The following STPG4 variants were observed in gnomAD, a reference collection of about 807,000 sequenced individuals.
STPG4 encodes the protein protein STPG4.
In STPG4, 41 loss-of-function variants were observed where a neutral mutation model predicts 31.5. The observed-to-expected ratio is 1.30, with a 90% CI of 1.01 to 1.69. The LOEUF is 1.69. STPG4 is among the 40% of genes most tolerant of loss of function. The pLI, the probability that STPG4 is intolerant of heterozygous loss-of-function variation, is 0.00. For synonymous variants in STPG4, 141 were observed against 103.0 expected, an observed-to-expected ratio of 1.37 and a Z score of -2.24; for missense variants, 375 against 293.4, an observed-to-expected ratio of 1.28 and a Z score of -2.03.
intron 3 of STPG4, among the ~76,000 whole-genome samples, chr2:47,146,406 A>G (rs1016039061): frequency 6.6e-6 from 1 of 152,050 alleles, no homozygotes; most frequent in African/African-American, 2.4e-5. Flanking sequence ...GCTTGACAAA[A>G]CCAGGATTAG....
At chr2:47,111,256 C>T (rs1419996061) in intron 5 of STPG4, among the ~76,000 whole-genome samples, 1 of 152,132 alleles carries the variant, frequency 6.6e-6, no homozygotes, top group African/African-American at 2.4e-5. Context: ...AGAAAATCTT[C>T]TCACTCTTCT....
At chr2:47,124,691 T>C (rs191859235) in intron 5 of STPG4, among the ~76,000 whole-genome samples, 104 of 152,334 alleles carry the variant, frequency 6.8e-4, no homozygotes, top group Non-Finnish European at 9.8e-4. Context: ...TACACTAAGG[T>C]TGCTTCCAAA....
chr2:47,120,140 G>A (rs1221768011), intron 5 of STPG4, among the ~76,000 whole-genome samples: 2 of 152,144 alleles, frequency 1.3e-5, no homozygotes, highest in African/African-American at 4.8e-5. Context: ...AGATCAGCTT[G>A]GGCAATATGT....
intron 5 of STPG4, among the ~76,000 whole-genome samples, chr2:47,105,728 G>T (rs1389907462): frequency 2.0e-5 from 3 of 152,170 alleles, no homozygotes; most frequent in African/African-American, 7.2e-5. Context: ...CCAGGGACCA[G>T]TGCCCAGTTA....
chr2:47,150,894 G>C (rs1344049869), intron 3 of STPG4, among the ~76,000 whole-genome samples: 1 of 152,082 alleles, frequency 6.6e-6, no homozygotes, highest in Non-Finnish European at 1.5e-5. Flanking sequence ...CTCCCCGAGA[G>C]GCAGGGTTTT....
At chr2:47,152,587 C>T (rs1343478096) in intron 2 of STPG4, among the ~76,000 whole-genome samples, 4 of 152,160 alleles carry the variant, frequency 2.6e-5, no homozygotes, top group Non-Finnish European at 5.9e-5. Context: ...TATTAAGAAC[C>T]ATTTGCAGAA....
At chr2:47,106,009 C>T (rs1050725948) in intron 5 of STPG4, among the ~76,000 whole-genome samples, 15 of 151,024 alleles carry the variant, frequency 9.9e-5, no homozygotes, top group East Asian at 5.8e-4. Context: ...GCAGCATAAG[C>T]GGCTGGCAGA....
intron 2 of STPG4, among the ~76,000 whole-genome samples, chr2:47,152,077 T>A (rs909375682): frequency 1.9e-4 from 29 of 152,322 alleles, no homozygotes; most frequent in Non-Finnish European, 2.8e-4. Flanking sequence ...TTTAAGTTTT[T>A]AAAAGGCAAC....
At chr2:47,132,722 G>C (rs766304429) in intron 3 of STPG4, among the ~76,000 whole-genome samples, 21 of 152,110 alleles carry the variant, frequency 1.4e-4, no homozygotes, top group Non-Finnish European at 2.8e-4. Context: ...TTACGTGGAT[G>C]TTTGCTTTCT....
intron 3 of STPG4, among the ~76,000 whole-genome samples, chr2:47,147,905 T>C (rs547847650): frequency 6.6e-6 from 1 of 151,886 alleles, no homozygotes; most frequent in East Asian, 1.9e-4. Context: ...CAAATATAGA[T>C]AAGTATATGC....
chr2:47,120,349 C>A (rs1436516458), intron 5 of STPG4, among the ~76,000 whole-genome samples: 2 of 151,916 alleles, frequency 1.3e-5, no homozygotes, highest in East Asian at 1.9e-4. Flanking sequence ...AAACAAAAAA[C>A]AAACAAACTG....
At chr2:47,115,600 C>T (rs1200943199) in intron 5 of STPG4, among the ~76,000 whole-genome samples, 1 of 150,764 alleles carries the variant, frequency 6.6e-6, no homozygotes, top group Non-Finnish European at 1.5e-5. Flanking sequence ...TGTTTTCAAC[C>T]AGGTTTCCAT....
At chr2:47,108,576 G>A (rs533821031) in intron 5 of STPG4, 8 of 171,214 alleles carry the variant, frequency 4.7e-5, no homozygotes, top group Non-Finnish European at 7.2e-5. Flanking sequence ...CACCAATTCC[G>A]GACACATTTT....
intron 5 of STPG4, among the ~76,000 whole-genome samples, chr2:47,104,002 T>C (rs924366986): frequency 6.6e-6 from 1 of 151,990 alleles, no homozygotes; most frequent in East Asian, 1.9e-4. Flanking sequence ...TTGGGAGACT[T>C]TGCTCTTTTC....
intron 5 of STPG4, among the ~76,000 whole-genome samples, chr2:47,127,133 C>A (rs1686380690): frequency 6.6e-6 from 1 of 151,862 alleles, no homozygotes; most frequent in Non-Finnish European, 1.5e-5. Flanking sequence ...CTCTTTAAGG[C>A]CAATAACTCT....
At chr2:47,087,400 C>T (rs182464208) in intron 6 of STPG4, among the ~76,000 whole-genome samples, 389 of 152,322 alleles carry the variant, frequency 2.6e-3, no homozygotes, top group Non-Finnish European at 4.4e-3. Flanking sequence ...CTGGGAGAGG[C>T]GGGGTCACAT....
chr2:47,118,128 C>G (rs1181235177), intron 5 of STPG4, among the ~76,000 whole-genome samples: 6 of 151,970 alleles, frequency 3.9e-5, no homozygotes, highest in African/African-American at 1.5e-4. Context: ...GTCCCCAACC[C>G]CCAGGCTTCA....
At chr2:47,119,584 A>T (rs1482388174) in intron 5 of STPG4, among the ~76,000 whole-genome samples, 1 of 152,248 alleles carries the variant, frequency 6.6e-6, no homozygotes, top group African/African-American at 2.4e-5. Flanking sequence ...CATGCAGTGG[A>T]GAAAAAACTT....
chr2:47,144,195 T>C (rs575211104), intron 3 of STPG4, among the ~76,000 whole-genome samples: 1 of 152,334 alleles, frequency 6.6e-6, no homozygotes, highest in Non-Finnish European at 1.5e-5. Flanking sequence ...TTTCAAATGG[T>C]AATGGACTTC....
Sources: allele counts gnomAD v4.1 joint callset (sites outside exome capture counted in the v4.1 genomes callset), GRCh38; gene constraint gnomAD v4.1.1; transcripts MANE v1.5; gene names NCBI Gene and HGNC (gene_info 2026-07-23, HGNC 2026-07-21).